UBE2K: variants seen among roughly 807,000 people sequenced by gnomAD.
UBE2K encodes the protein ubiquitin conjugating enzyme E2 K, also known as ubiquitin-conjugating enzyme E2 K.
A neutral mutation model predicts 30.0 loss-of-function variants in UBE2K; 6 were observed. The ratio of observed to expected loss-of-function variants is 0.20; its 90% CI spans 0.11 to 0.39. The LOEUF (loss-of-function observed/expected upper bound fraction) is 0.39. UBE2K is among the 10% of genes least tolerant of loss of function. UBE2K has a pLI of 1.00. For synonymous variants in UBE2K, 86 were observed against 83.7 expected (o/e 1.03, Z -0.15); for missense variants, 61 against 241.6 (o/e 0.25, Z 4.96).
intron 4 of UBE2K, chr4:39,771,477 GTT>G: frequency 6.7e-7 from 1 of 1,487,016 alleles, no homozygotes. Context: ...TCCGCGCGCT[GTT>G]TTTTTTTAAT....
chr4:39,739,153 G>A (rs1415101680), intron 2 of UBE2K, among the ~76,000 whole-genome samples: 4 of 150,850 alleles, frequency 2.7e-5, no homozygotes, highest in East Asian at 2.0e-4. Flanking sequence ...TCAGCCTTCC[G>A]AGCAGCTGGG....
rs1713358014 is a variant in UBE2K, at chr4:39,777,719, G to A, written c.437G>A (p.Arg146Gln). Residue 146 changes from arginine (R) to glutamine (Q), a missense_variant, in exon 6 of 7, where the codon CGA becomes CAA. Transcript: ENST00000261427. ...QNPEMFKQTARLWAHVYAGAP... is the reference protein window; with the variant it reads ...QNPEMFKQTAQLWAHVYAGAP... ...CCCGAAATGTTCAAACAGACAGCTC[G>A]ACTTTGGGCACATGTGTATGCTGGA... 1.3e-6 allele frequency: 2 copies of A among 1,563,996 alleles called. No individual in the cohort carries two copies. Among genetic ancestry groups the A allele is most frequent in the East Asian group, 2.4e-5 (1 of 42,330 alleles).
intron 1 of UBE2K, among the ~76,000 whole-genome samples, chr4:39,703,257 T>C (rs1453529760): frequency 6.6e-6 from 1 of 152,084 alleles, no homozygotes; most frequent in African/African-American, 2.4e-5. Context: ...GGGTGGCTTA[T>C]GCCTGTAATC....
rs1342690012 is a variant in UBE2K at position 39,757,029 on chromosome 4, TTTG to T, written c.299+1293_299+1295del. Among the ~76,000 whole-genome samples the T allele has an allele frequency of 1.5e-4, 18 of 118,158 alleles. 2 individuals are homozygous for T. In the South Asian group the frequency reaches 1.8e-3, roughly 12 times the overall value. 77.5% of individuals were successfully genotyped at this position (118,158 alleles called of 152,430 possible). A position where few individuals can be genotyped will look rare whatever the true frequency, so the allele number is the denominator to read the frequency against. Reference sequence around the variant, plus strand: ...TTTTTTTGTTTTTTGTTTTTTGTTTTTTGTTTTTTTTTTGAGACAGAGTTTCAC... The same window carrying T: ...TTTTTTTGTTTTTTGTTTTTTGTTTTTTTTTTTTTTGAGACAGAGTTTCAC... On this transcript the variant is annotated intron_variant, in intron 4 of 6. Transcript: ENST00000261427.
rs1712692860 is a variant in UBE2K at position 39,770,251 on chromosome 4, C to T, written c.300-4583C>T. On this transcript the variant is annotated intron_variant, in intron 4 of 6. Transcript: ENST00000261427. Reference sequence around the variant, plus strand: ...GCTCCCGAGTGCAGGTTGAGGTGGTCGTGCAGGGTGGACTTCTGTGTGAAG... The same window carrying T: ...GCTCCCGAGTGCAGGTTGAGGTGGTTGTGCAGGGTGGACTTCTGTGTGAAG... 5.0e-6 allele frequency: 8 copies of T among 1,611,580 alleles called. No homozygotes were observed. In the South Asian group the frequency reaches 5.5e-5, roughly 11 times the overall value.
chr4:39,740,137 AG>A (rs1372534883), intron 2 of UBE2K, among the ~76,000 whole-genome samples: 9 of 152,038 alleles, frequency 5.9e-5, no homozygotes, highest in Admixed American at 2.0e-4. Context: ...ATAATATACT[AG>A]CTTCTTCTTG....
chr4:39,722,185 C>G (rs540983161), intron 1 of UBE2K, among the ~76,000 whole-genome samples: 27 of 152,230 alleles, frequency 1.8e-4, no homozygotes, highest in Non-Finnish European at 3.1e-4. Flanking sequence ...ATTCTTGGGT[C>G]TTTTACAATT....
chr4:39,770,360 C>T (rs1334574893), intron 4 of UBE2K: 2 of 1,613,020 alleles, frequency 1.2e-6, no homozygotes, highest in African/African-American at 2.7e-5. Flanking sequence ...TGTGGTTGAA[C>T]TCCTTGCCAC....
At chr4:39,748,667 A>G (rs990049568) in intron 3 of UBE2K, among the ~76,000 whole-genome samples, 8 of 151,792 alleles carry the variant, frequency 5.3e-5, no homozygotes, top group African/African-American at 1.9e-4. Flanking sequence ...CTCTAATTCT[A>G]GCTGTTCCGT....
intron 3 of UBE2K, among the ~76,000 whole-genome samples, chr4:39,750,173 G>A (rs138280156): frequency 0.011 from 1,691 of 152,146 alleles, 38 homozygotes; most frequent in African/African-American, 0.038. Flanking sequence ...CAGCCTGGAC[G>A]ACAGAGTGAG....
intron 3 of UBE2K, among the ~76,000 whole-genome samples, chr4:39,751,748 G>A (rs370360531): frequency 3.9e-5 from 6 of 152,042 alleles, no homozygotes; most frequent in African/African-American, 7.2e-5. Flanking sequence ...TGAGGCGGGC[G>A]GATCACTGGG....
intron 4 of UBE2K, among the ~76,000 whole-genome samples, chr4:39,774,485 C>T (rs1285858055): frequency 6.7e-6 from 1 of 149,594 alleles, no homozygotes. Context: ...TTAAGGCGGG[C>T]CCCTGTAGTC....
intron 4 of UBE2K, chr4:39,770,744 C>T: frequency 1.9e-6 from 3 of 1,583,264 alleles, no homozygotes; most frequent in East Asian, 2.2e-5. Context: ...CTCCAATGCC[C>T]AGGCCCCCTC....
At chr4:39,720,512 T>G (rs1315051126) in intron 1 of UBE2K, among the ~76,000 whole-genome samples, 1 of 152,202 alleles carries the variant, frequency 6.6e-6, no homozygotes, top group African/African-American at 2.4e-5. Flanking sequence ...TATGGCTCAG[T>G]AAGGCAGTGA....
Position 39,778,482 on chromosome 4 carries a change from C to T in UBE2K, c.*48C>T. On this transcript the variant is annotated 3_prime_UTR_variant, in exon 7 of 7. Coordinates refer to ENST00000261427, the MANE Select transcript of UBE2K (RefSeq NM_005339.5). Reference sequence around the variant, plus strand: ...GTCAAGCTTGCCTCTTCTTGAGGAGCACCAACATCTGTTATTTTTAGGATT... The same window carrying T: ...GTCAAGCTTGCCTCTTCTTGAGGAGTACCAACATCTGTTATTTTTAGGATT... 1 of 1,214,138 alleles carries T rather than the reference C, an allele frequency of 8.2e-7. No homozygotes were observed. Among genetic ancestry groups the T allele is most frequent in the Non-Finnish European group, 1.2e-6 (1 of 831,966 alleles). 75.2% of individuals were successfully genotyped at this position (1,214,138 alleles called of 1,614,324 possible).
chr4:39,706,017 A>G (rs1718340204), intron 1 of UBE2K, among the ~76,000 whole-genome samples: 1 of 148,886 alleles, frequency 6.7e-6, no homozygotes, highest in African/African-American at 2.5e-5. Context: ...ATGCCCAGCT[A>G]ATTTTCTTTT....
chr4:39,714,318 C>T, intron 1 of UBE2K: 1 of 198,856 alleles, frequency 5.0e-6, no homozygotes, highest in South Asian at 1.1e-4. Context: ...TTCTCTTGCC[C>T]ACAATTTCAC....
intron 2 of UBE2K, among the ~76,000 whole-genome samples, chr4:39,744,356 T>G (rs1720871384): frequency 1.3e-5 from 2 of 150,426 alleles, no homozygotes; most frequent in African/African-American, 4.9e-5. Context: ...GTGTTTTTAG[T>G]AGAGACGGGG....
chr4:39,741,207 G>A (rs945474958), intron 2 of UBE2K, among the ~76,000 whole-genome samples: 1 of 151,828 alleles, frequency 6.6e-6, no homozygotes, highest in Non-Finnish European at 1.5e-5. Context: ...TGAGACGGAG[G>A]TTGCAGTGAG....
Sources: gnomAD v4.1 joint callset for allele counts (sites outside exome capture counted in the v4.1 genomes callset) on GRCh38, gnomAD v4.1.1 for gene constraint, MANE v1.5 for transcripts, NCBI Gene and HGNC (gene_info 2026-07-23, HGNC 2026-07-21) for gene names.